The following HVCN1 variants were observed in gnomAD, a reference collection of about 807,000 sequenced individuals.
The protein encoded by HVCN1 is hydrogen voltage gated channel 1, also known as voltage-gated hydrogen channel 1.
Under a neutral mutation model 29.2 loss-of-function variants are expected in HVCN1, and 14 were observed. The ratio of observed to expected loss-of-function variants is 0.48; its 90% CI spans 0.32 to 0.75. The LOEUF is 0.75. Ranked by LOEUF, HVCN1 falls within the 30% of genes least tolerant of loss-of-function variation. The pLI is 0.04. For synonymous variants in HVCN1, 131 were observed against 133.2 expected (o/e 0.98, Z 0.11); for missense variants, 263 against 341.8 (o/e 0.77, Z 1.82).
chr12:110,696,879 A>G (rs778790202), intron 2 of HVCN1, among the ~76,000 whole-genome samples: 1 of 152,194 alleles, frequency 6.6e-6, no homozygotes, highest in Non-Finnish European at 1.5e-5. Context: ...AACCAGATAA[A>G]TCTGGGATTA....
At chr12:110,686,562 C>T (rs886839508) in intron 2 of HVCN1, among the ~76,000 whole-genome samples, 5 of 152,202 alleles carry the variant, frequency 3.3e-5, no homozygotes, top group Admixed American at 1.3e-4. Flanking sequence ...AATTAAGGTG[C>T]CCTGGAGATT....
intron 3 of HVCN1, among the ~76,000 whole-genome samples, chr12:110,675,819 G>A (rs1252136022): frequency 6.6e-6 from 1 of 152,090 alleles, no homozygotes; most frequent in African/African-American, 2.4e-5. Context: ...TGAGGCATGA[G>A]AATCACTTGA....
At chr12:110,671,106 C>A (rs772198538) in intron 3 of HVCN1, among the ~76,000 whole-genome samples, 2 of 152,120 alleles carry the variant, frequency 1.3e-5, no homozygotes, top group Admixed American at 6.6e-5. Flanking sequence ...GTGGACAGAT[C>A]GCCTGAGGTC....
At chr12:110,677,829 GGGCTTAACT>G (rs2068797738) in intron 3 of HVCN1, among the ~76,000 whole-genome samples, 1 of 152,048 alleles carries the variant, frequency 6.6e-6, no homozygotes, top group Non-Finnish European at 1.5e-5. Context: ...ACAGGCTGAG[GGGCTTAACT>G]GGCAGCCCAG....
In HVCN1 at chr12:110,703,498, A is replaced by C. The variant is rs951964936; in HGVS notation, c.-228-1065T>G. Among the ~76,000 whole-genome samples, 13 of 152,330 alleles carry C rather than the reference A, an allele frequency of 8.5e-5. 1 individual carries two copies. The highest frequency in any genetic ancestry group is 8.5e-4 in the Admixed American group (13 of 15,292). On this transcript the variant is annotated intron_variant, in intron 1 of 4. Coordinates refer to the HVCN1 transcript ENST00000546713. ...AAATGGTATCTAAGACTTCAAAATA[A>C]CCATATTGGGCGAGTGCCGTGGAGA...
chr12:110,701,616 G>C (rs1275702146), intron 2 of HVCN1, among the ~76,000 whole-genome samples: 1 of 152,130 alleles, frequency 6.6e-6, no homozygotes, highest in East Asian at 1.9e-4. Flanking sequence ...CAGCACTTTG[G>C]GAGGCCAAGG....
chr12:110,686,214 A>G (rs1423718974), intron 2 of HVCN1, among the ~76,000 whole-genome samples: 2 of 152,128 alleles, frequency 1.3e-5, no homozygotes, highest in African/African-American at 4.8e-5. Context: ...CACGTTAGCC[A>G]GGCTGGTCTC....
rs1270989095 is a variant in HVCN1 at position 110,651,424 on chromosome 12, T to A, written c.436A>T (p.Ile146Phe). The change falls in exon 6 of 8, where the codon ATC (isoleucine) becomes TTC (phenylalanine). Residue 146 changes from isoleucine to phenylalanine, a missense_variant. Around this residue, in one of 3 missense-constraint regions of HVCN1, gnomAD observed 55 missense variants for 109.4 expected, o/e 0.50. Coordinates refer to ENST00000242607, the MANE Select transcript of HVCN1 (RefSeq NM_032369.4). ...AMVFHYMSIT[I>F]LVFFMMEIIF... The stretch of plus-strand genomic sequence containing the variant: ...ATCTCCATCATAAAAAAGACCAAGA[T>A]GGTGATGCTCATGTAGTGGAATACC... The A allele has an allele frequency of 6.2e-7, 1 of 1,612,992 alleles. No individual in the cohort carries two copies. Among genetic ancestry groups the A allele is most frequent in the Non-Finnish European group, 8.5e-7 (1 of 1,179,260 alleles).
In HVCN1 at chr12:110,648,701, A is replaced by G; in HGVS notation, c.*709T>C. On this transcript the variant is annotated 3_prime_UTR_variant, in exon 8 of 8. Transcript: ENST00000242607. The stretch of plus-strand genomic sequence containing the variant: ...TCTTGGGTCTAATTGCCATTTCTGC[A>G]CCAGGCACTGTAGCTAGCTTGCTCT... The G allele has an allele frequency of 4.3e-6, 1 of 233,578 alleles. No homozygotes were observed. Among genetic ancestry groups the G allele is most frequent in the Non-Finnish European group, 8.4e-6 (1 of 119,574 alleles). The allele number at this position is 233,578 out of a possible 1,614,324, so 14.5% of individuals were successfully genotyped here.
intron 2 of HVCN1, among the ~76,000 whole-genome samples, chr12:110,701,120 G>C (rs1208965179): frequency 6.6e-6 from 1 of 151,690 alleles, no homozygotes; most frequent in East Asian, 1.9e-4. Context: ...CTTGTATCCA[G>C]CTGCGCCCAG....
At chr12:110,679,202 ATCTGGGTGTGG>A (rs1256242905) in intron 3 of HVCN1, among the ~76,000 whole-genome samples, 2 of 152,192 alleles carry the variant, frequency 1.3e-5, no homozygotes, top group Admixed American at 6.5e-5. Context: ...AATTCAACCC[ATCTGGGTGTGG>A]TCTGGGTGCT....
chr12:110,648,718 G>T lies in HVCN1; in HGVS notation c.*692C>A, dbSNP rs887239134. Reference sequence around the variant, plus strand: ...ATTTCTGCACCAGGCACTGTAGCTAGCTTGCTCTCCGACTGGCAGGCTGGT... The same window carrying T: ...ATTTCTGCACCAGGCACTGTAGCTATCTTGCTCTCCGACTGGCAGGCTGGT... On this transcript the variant is annotated 3_prime_UTR_variant, in exon 8 of 8. Transcript: ENST00000242607. 5 of 247,866 alleles carry T rather than the reference G, an allele frequency of 2.0e-5. No individual in the cohort carries two copies. Among genetic ancestry groups the T allele is most frequent in the African/African-American group, 9.5e-5 (4 of 42,102 alleles). 15.4% of individuals were successfully genotyped at this position (247,866 alleles called of 1,614,324 possible). A position where few individuals can be genotyped will look rare whatever the true frequency, so the allele number is the denominator to read the frequency against.
At chr12:110,683,438 G>A (rs2069060048) in intron 2 of HVCN1, among the ~76,000 whole-genome samples, 174 bp from the exon 3 acceptor site, 1 of 152,166 alleles carries the variant, frequency 6.6e-6, no homozygotes, top group Non-Finnish European at 1.5e-5. Flanking sequence ...TGGATATAGA[G>A]CCAAATGAAC....
chr12:110,661,446 T>G lies in HVCN1; in HGVS notation c.24A>C (p.Ala8=). The part of the protein sequence containing the change: MATWDEK[A]VTRRAKVAPA... Reference sequence around the variant, plus strand: ...GAGCCACCTTGGCCCTGCGGGTGACTGCCTAGAAGGCGGGGACAGAGAGCA... The same window carrying G: ...GAGCCACCTTGGCCCTGCGGGTGACGGCCTAGAAGGCGGGGACAGAGAGCA... Residue 8 remains alanine, a splice_region_variant and synonymous_variant, in exon 4 of 8, where the codon GCA becomes GCC. Transcript: ENST00000242607. The surrounding 1 kb of genome is among the most constrained non-coding windows in gnomAD (Gnocchi z 6.2). 1 of 1,613,688 alleles carries G rather than the reference T, an allele frequency of 6.2e-7. No individual in the cohort carries two copies. Among genetic ancestry groups the G allele is most frequent in the South Asian group, 1.1e-5 (1 of 91,068 alleles).
chr12:110,685,076 T>C (rs187966855), intron 2 of HVCN1, among the ~76,000 whole-genome samples: 59 of 152,312 alleles, frequency 3.9e-4, no homozygotes, highest in African/African-American at 1.3e-3. Context: ...TTACTTTACA[T>C]AGCAAAAAGG....
intron 3 of HVCN1, among the ~76,000 whole-genome samples, chr12:110,663,539 G>A (rs1338792144): frequency 1.5e-5 from 2 of 137,382 alleles, no homozygotes; most frequent in Admixed American, 1.6e-4. Flanking sequence ...GGTCGAGGCT[G>A]CAGTAAGCCA....
chr12:110,701,176 G>A (rs148715113), intron 2 of HVCN1, among the ~76,000 whole-genome samples: 1 of 152,318 alleles, frequency 6.6e-6, no homozygotes, highest in African/African-American at 2.4e-5. Context: ...GATTCCCTCT[G>A]CGCTACGGCC....
chr12:110,652,983 A>G (rs981290007), intron 5 of HVCN1, among the ~76,000 whole-genome samples: 2 of 152,180 alleles, frequency 1.3e-5, no homozygotes, highest in African/African-American at 4.8e-5. Context: ...TCGCCAGCCA[A>G]TGAAGACTCC....
At chr12:110,665,801 G>GT (rs1566041821) in intron 3 of HVCN1, among the ~76,000 whole-genome samples, 2 of 152,024 alleles carry the variant, frequency 1.3e-5, no homozygotes. Context: ...GAGGTCAGGA[G>GT]TTCAAGACCA....
Sources: allele counts gnomAD v4.1 joint callset (sites outside exome capture counted in the v4.1 genomes callset), GRCh38; gene constraint gnomAD v4.1.1; regional missense constraint gnomAD v4.1.1; non-coding constraint Gnocchi (gnomAD v3.1); transcripts MANE v1.5; gene names NCBI Gene and HGNC (gene_info 2026-07-23, HGNC 2026-07-21).